The following PARD3B variants were observed in gnomAD, a reference collection of about 807,000 sequenced individuals.
The protein encoded by PARD3B is partitioning defective 3 homolog B.
In PARD3B, 103 loss-of-function variants were observed where a neutral mutation model predicts 130.2. The observed-to-expected ratio is 0.79, with a 90% CI of 0.67 to 0.93. The LOEUF (loss-of-function observed/expected upper bound fraction) is 0.93, where lower values mean the gene tolerates loss of function less well. PARD3B is among the 40% of genes least tolerant of loss of function. PARD3B has a pLI of 0.00. For synonymous variants in PARD3B, 583 were observed against 553.2 expected, an observed-to-expected ratio of 1.05 and a Z score of -0.76; for missense variants, 1,609 against 1,499.2, an observed-to-expected ratio of 1.07 and a Z score of -1.21.
intron 20 of PARD3B, among the ~76,000 whole-genome samples, chr2:205,488,296 G>T (rs1398491561): frequency 6.6e-6 from 1 of 152,010 alleles, no homozygotes; most frequent in Admixed American, 6.6e-5. Context: ...CACAGGGCCA[G>T]GCACTAGATT....
chr2:205,581,267 G>GATAGATATAGATAGATATAGATAGAT (rs1553552273), intron 22 of PARD3B, among the ~76,000 whole-genome samples: 1 of 109,742 alleles, frequency 9.1e-6, no homozygotes, highest in South Asian at 2.9e-4. Flanking sequence ...TATAGATATA[G>GATAGATATAGATAGATATAGATAGAT]ATAGATAGAT....
chr2:204,991,035 C>T (rs2125241128), intron 3 of PARD3B, among the ~76,000 whole-genome samples: 1 of 151,664 alleles, frequency 6.6e-6, no homozygotes, highest in East Asian at 1.9e-4. Context: ...ATTTCTGTGT[C>T]TGCTTCTGGA....
chr2:204,785,795 C>A (rs1285718841), intron 2 of PARD3B, among the ~76,000 whole-genome samples: 1 of 151,968 alleles, frequency 6.6e-6, no homozygotes, highest in Admixed American at 6.6e-5. Flanking sequence ...AACTGATAGC[C>A]AGGGTCTTCA....
chr2:204,825,432 A>G (rs1222177649), intron 2 of PARD3B, among the ~76,000 whole-genome samples: 3 of 152,308 alleles, frequency 2.0e-5, no homozygotes, highest in African/African-American at 7.2e-5. Context: ...AAATAGGGAC[A>G]GTGCTTGCAG....
intron 2 of PARD3B, among the ~76,000 whole-genome samples, chr2:204,692,328 T>A (rs902860462): frequency 6.6e-6 from 1 of 152,100 alleles, no homozygotes; most frequent in Non-Finnish European, 1.5e-5. Context: ...TTATAAAAAC[T>A]CCTCTTTTAA....
intron 10 of PARD3B, among the ~76,000 whole-genome samples, chr2:205,147,453 G>C (rs773319068): frequency 6.6e-6 from 1 of 151,992 alleles, no homozygotes; most frequent in Non-Finnish European, 1.5e-5. Context: ...ATATTACATT[G>C]AACAGGCAAT....
chr2:204,874,381 C>T (rs1351979204), intron 2 of PARD3B, among the ~76,000 whole-genome samples: 1 of 152,024 alleles, frequency 6.6e-6, no homozygotes, highest in African/African-American at 2.4e-5. Flanking sequence ...AGGAAAAGTA[C>T]TAAATTTGAA....
At chr2:205,425,571 A>T (rs2047118676) in intron 19 of PARD3B, among the ~76,000 whole-genome samples, 1 of 151,032 alleles carries the variant, frequency 6.6e-6, no homozygotes, top group Non-Finnish European at 1.5e-5. Flanking sequence ...AAAAAAAACA[A>T]CAACATTTGA....
intron 4 of PARD3B, among the ~76,000 whole-genome samples, chr2:205,085,313 A>G (rs1380772740): frequency 3.3e-5 from 5 of 151,854 alleles, no homozygotes; most frequent in African/African-American, 1.2e-4. Flanking sequence ...CAATGTTGTC[A>G]TATTTAGATA....
chr2:205,513,427 C>T (rs1223903275), intron 21 of PARD3B, among the ~76,000 whole-genome samples: 1 of 152,028 alleles, frequency 6.6e-6, no homozygotes, highest in Non-Finnish European at 1.5e-5. Flanking sequence ...AAAGAACTGA[C>T]ATTTTTTATC....
chr2:205,104,526 A>T lies in PARD3B; in HGVS notation c.593+12A>T, dbSNP rs1201365398. 12 of 1,442,320 alleles carry T rather than the reference A, an allele frequency of 8.3e-6. No homozygotes were observed. Among genetic ancestry groups the T allele is most frequent in the Non-Finnish European group, 1.2e-5 (12 of 1,025,720 alleles). 89.3% of individuals were successfully genotyped at this position (1,442,320 alleles called of 1,614,324 possible). A position where few individuals can be genotyped will look rare whatever the true frequency, so the allele number is the denominator to read the frequency against. On this transcript the variant is annotated intron_variant, in intron 5 of 22. Transcript: ENST00000406610. ...AAGGACACATTGAGGTATTCTCTTT[A>T]TACAGATAAGAATATCTGATTTATT...
At chr2:205,516,112 C>T (rs942316934) in intron 21 of PARD3B, among the ~76,000 whole-genome samples, 2 of 152,038 alleles carry the variant, frequency 1.3e-5, no homozygotes, top group African/African-American at 4.8e-5. Flanking sequence ...CATAGGTGTG[C>T]ACCCTTATTT....
intron 18 of PARD3B, among the ~76,000 whole-genome samples, chr2:205,322,889 CTTTTTTTTTTTTTTTTTTTTTTTT>C (rs71032461): frequency 1.3e-3 from 68 of 51,466 alleles, no homozygotes; most frequent in Admixed American, 4.0e-3. Flanking sequence ...ATTAACACCT[CTTTTTTTTTTTTTTTTTTTTTTTT>C]TTTTTTTTTT....
Position 204,996,506 on chromosome 2 carries a change from A to T in PARD3B, c.394+31183A>T, listed in dbSNP as rs560685034. ...CAAAGCTGTCAGACAGGGCCATTTA[A>T]GTCTGCAGAGGTTACTGCTGTCTTT... On this transcript the variant is annotated intron_variant, in intron 3 of 22. Transcript: ENST00000406610. 1.3e-3 allele frequency among the ~76,000 whole-genome samples: 205 copies of T among 152,176 alleles called. 3 individuals are homozygous for T. In the East Asian group the frequency reaches 0.019, roughly 14 times the overall value.
Position 205,618,219 on chromosome 2 carries a change from G to C in PARD3B, c.*2406G>C, listed in dbSNP as rs994867463. 6.6e-6 allele frequency: 1 copy of C among 152,206 alleles called. No homozygotes were observed. Among genetic ancestry groups the C allele is most frequent in the Non-Finnish European group, 1.5e-5 (1 of 68,046 alleles). 9.4% of individuals were successfully genotyped at this position (152,206 alleles called of 1,614,324 possible). On this transcript the variant is annotated 3_prime_UTR_variant, in exon 23 of 23. Transcript: ENST00000406610. ...TTGCAACAGTTTTCTTTCCTTGCTT[G>C]AAGTATAACACACGCTCCATTTGAT...
chr2:205,182,129 TA>T (rs2035824383), intron 13 of PARD3B, among the ~76,000 whole-genome samples: 1 of 151,796 alleles, frequency 6.6e-6, no homozygotes, highest in Non-Finnish European at 1.5e-5. Context: ...CTTCTCTACT[TA>T]AAATACAAAA....
Position 205,091,396 on chromosome 2 carries a change from A to G in PARD3B, c.505-13030A>G, listed in dbSNP as rs1000498774. Among the ~76,000 whole-genome samples the G allele has an allele frequency of 6.6e-6, 1 of 152,050 alleles. No homozygotes were observed. The highest frequency in any genetic ancestry group is 1.5e-5 in the Non-Finnish European group (1 of 68,008). On this transcript the variant is annotated intron_variant, in intron 4 of 22. Transcript: ENST00000406610. The surrounding 1 kb of genome is among the most constrained non-coding windows in gnomAD (Gnocchi z 4.2). ...AAGAGGCTCCAGAAAAGATCGCAGC[A>G]TTGGCGACCTCTCACTTTTCTGCAC...
chr2:205,558,880 C>A lies in PARD3B; in HGVS notation c.3260+5477C>A, dbSNP rs2053016878. ...AAACTTCCATAGCATTTACTTAGCA[C>A]CTTCCCAGTGCCCTAAAAACACCCT... On this transcript the variant is annotated intron_variant, in intron 22 of 22. Transcript: ENST00000406610. This position sits in a 1 kb window ranked among gnomAD's most constrained non-coding sequence, Gnocchi z 4.8. Among the ~76,000 whole-genome samples the A allele has an allele frequency of 6.6e-6, 1 of 152,182 alleles. No individual in the cohort carries two copies. Among genetic ancestry groups the A allele is most frequent in the Admixed American group, 6.5e-5 (1 of 15,284 alleles).
At chr2:205,401,660 T>G (rs1433113238) in intron 19 of PARD3B, among the ~76,000 whole-genome samples, 2 of 152,218 alleles carry the variant, frequency 1.3e-5, no homozygotes, top group Non-Finnish European at 2.9e-5. Context: ...TAATGCTGGT[T>G]TGCAAGAGCT....
Sources: allele counts gnomAD v4.1 joint callset (sites outside exome capture counted in the v4.1 genomes callset), GRCh38; gene constraint gnomAD v4.1.1; non-coding constraint Gnocchi (gnomAD v3.1); transcripts MANE v1.5; gene names NCBI Gene and HGNC (gene_info 2026-07-23, HGNC 2026-07-21).